The following ADAM12 variants were observed in gnomAD, a reference collection of about 807,000 sequenced individuals.
The protein encoded by ADAM12 is disintegrin and metalloproteinase domain-containing protein 12.
In ADAM12, 70 loss-of-function variants were observed where a neutral mutation model predicts 106.4. The observed-to-expected ratio is 0.66, with a 90% CI of 0.54 to 0.80. ADAM12 has a LOEUF of 0.80. ADAM12 is among the 30% of genes least tolerant of loss of function. The probability of loss-of-function intolerance (pLI) is 0.00; values close to 1 mark genes in which losing one functional copy is unlikely to be tolerated. For synonymous variants in ADAM12, 420 were observed against 433.5 expected (o/e 0.97, Z 0.39); for missense variants, 1,010 against 1,171.9 (o/e 0.86, Z 2.02).
At chr10:126,257,870 T>C (rs1958923286) in intron 3 of ADAM12, among the ~76,000 whole-genome samples, 1 of 152,166 alleles carries the variant, frequency 6.6e-6, no homozygotes, top group African/African-American at 2.4e-5. Context: ...GGTGAGTTCC[T>C]AACCAGAGGT....
chr10:126,377,096 C>T (rs977007305), intron 1 of ADAM12, among the ~76,000 whole-genome samples: 13 of 152,190 alleles, frequency 8.5e-5, no homozygotes, highest in Non-Finnish European at 2.9e-5. Flanking sequence ...CTAGGAAAGT[C>T]TGGGCACACA....
chr10:126,209,098 A>G (rs1453943664), intron 3 of ADAM12, among the ~76,000 whole-genome samples: 3 of 152,240 alleles, frequency 2.0e-5, no homozygotes, highest in Non-Finnish European at 4.4e-5. Flanking sequence ...GGAAAGAAGA[A>G]CGCTGTCAAT....
intron 6 of ADAM12, among the ~76,000 whole-genome samples, chr10:126,113,712 ATATATATATAT>A (rs1955924158): frequency 1.1e-5 from 1 of 90,352 alleles, no homozygotes; most frequent in Non-Finnish European, 2.0e-5. Context: ...ATATATATAT[ATATATATATAT>A]ATATATATAA....
At chr10:126,353,816 T>C (rs975562531) in intron 1 of ADAM12, among the ~76,000 whole-genome samples, 8 of 152,156 alleles carry the variant, frequency 5.3e-5, no homozygotes, top group African/African-American at 1.9e-4. Flanking sequence ...GGTAATCAAT[T>C]GACTGCTCTG....
chr10:126,228,537 T>C (rs369280902), intron 3 of ADAM12, among the ~76,000 whole-genome samples: 1 of 152,190 alleles, frequency 6.6e-6, no homozygotes, highest in Admixed American at 6.5e-5. Context: ...ATAGAAAACA[T>C]CCTACTCATA....
intron 2 of ADAM12, among the ~76,000 whole-genome samples, chr10:126,290,301 G>A (rs1960090579): frequency 6.6e-6 from 1 of 152,222 alleles, no homozygotes; most frequent in Non-Finnish European, 1.5e-5. Flanking sequence ...AGGAAGTCCT[G>A]TGGACACTTT....
At chr10:126,376,318 T>A (rs758285639) in intron 1 of ADAM12, among the ~76,000 whole-genome samples, 1 of 152,082 alleles carries the variant, frequency 6.6e-6, no homozygotes. Flanking sequence ...GTAACATTCA[T>A]ATACACTGAA....
chr10:126,235,997 C>T (rs1323709077), intron 3 of ADAM12, among the ~76,000 whole-genome samples: 1 of 152,008 alleles, frequency 6.6e-6, no homozygotes, highest in Non-Finnish European at 1.5e-5. Context: ...GCCTGGCAGA[C>T]AGGGAGACAG....
chr10:126,196,621 A>C (rs1177692852), intron 3 of ADAM12, among the ~76,000 whole-genome samples: 1 of 152,194 alleles, frequency 6.6e-6, no homozygotes, highest in African/African-American at 2.4e-5. Flanking sequence ...GGGATACAAG[A>C]GTGGGTAAGA....
intron 4 of ADAM12, among the ~76,000 whole-genome samples, chr10:126,150,852 G>C (rs1452145885): frequency 6.6e-6 from 1 of 152,226 alleles, no homozygotes; most frequent in Middle Eastern, 3.4e-3. Context: ...AAACTCTTTA[G>C]TATGGAAAGG....
intron 1 of ADAM12, among the ~76,000 whole-genome samples, chr10:126,383,122 A>C (rs1277910213): frequency 6.6e-6 from 1 of 151,866 alleles, no homozygotes; most frequent in South Asian, 2.1e-4. Flanking sequence ...TTTTTTAAAA[A>C]TTTTTTGTTG....
chr10:126,064,897 G>A lies in ADAM12; in HGVS notation c.1518C>T (p.His506=), dbSNP rs762644059. ...SPHCPANVYL[H]DGHSCQDVDG... The stretch of plus-strand genomic sequence containing the variant: ...CCACATCCTGACATGAGTGCCCATC[G>A]TGCAGGTACACGTTGGCTGGGCAGT... Residue 506 remains histidine (H), a synonymous_variant, in exon 14 of 23, where the codon CAC becomes CAT. Coordinates refer to ENST00000448723, the MANE Select transcript of ADAM12 (RefSeq NM_001288973.2). The surrounding 1 kb of genome is among the most constrained non-coding windows in gnomAD (Gnocchi z 4.4). The A allele has an allele frequency of 8.7e-6, 14 of 1,612,970 alleles. No homozygotes were observed. Among genetic ancestry groups the A allele is most frequent in the Admixed American group, 1.7e-5 (1 of 59,902 alleles).
intron 3 of ADAM12, among the ~76,000 whole-genome samples, chr10:126,278,244 G>C (rs911694133): frequency 6.6e-6 from 1 of 152,172 alleles, no homozygotes; most frequent in African/African-American, 2.4e-5. Context: ...ATATTAAGGA[G>C]TCCTTTAGAT....
chr10:126,092,493 A>C (rs1955484455), intron 11 of ADAM12, among the ~76,000 whole-genome samples: 1 of 152,264 alleles, frequency 6.6e-6, no homozygotes, highest in Non-Finnish European at 1.5e-5. Flanking sequence ...GCTTCCTCTC[A>C]GACACCTTTA....
chr10:126,183,157 A>G (rs1056039369), intron 3 of ADAM12, among the ~76,000 whole-genome samples: 2 of 152,198 alleles, frequency 1.3e-5, no homozygotes, highest in African/African-American at 4.8e-5. Context: ...CATCACCCCC[A>G]GATGGGACCG....
intron 2 of ADAM12, among the ~76,000 whole-genome samples, chr10:126,321,742 GGAGTC>G (rs1564732021): frequency 6.6e-6 from 1 of 152,192 alleles, no homozygotes; most frequent in African/African-American, 2.4e-5. Flanking sequence ...TCAGCTGTCT[GGAGTC>G]AAGATGTATG....
intron 3 of ADAM12, among the ~76,000 whole-genome samples, chr10:126,217,621 C>T (rs1958011317): frequency 6.7e-6 from 1 of 148,718 alleles, no homozygotes; most frequent in African/African-American, 2.5e-5. Flanking sequence ...CCTGCCTTGG[C>T]CTCCCAAAGT....
intron 3 of ADAM12, among the ~76,000 whole-genome samples, chr10:126,201,251 G>A (rs186644821): frequency 4.6e-5 from 7 of 152,294 alleles, no homozygotes; most frequent in African/African-American, 1.4e-4. Context: ...CTTTGCAGAC[G>A]TAACCAAGCT....
At chr10:126,375,996 C>A (rs1331175663) in intron 1 of ADAM12, among the ~76,000 whole-genome samples, 1 of 151,648 alleles carries the variant, frequency 6.6e-6, no homozygotes, top group Non-Finnish European at 1.5e-5. Context: ...CCTCCCCACC[C>A]CCCAGCCTCT....
Sources: allele counts gnomAD v4.1 joint callset (sites outside exome capture counted in the v4.1 genomes callset), GRCh38; gene constraint gnomAD v4.1.1; non-coding constraint Gnocchi (gnomAD v3.1); transcripts MANE v1.5; gene names NCBI Gene and HGNC (gene_info 2026-07-23, HGNC 2026-07-21).